Variants in FHDC1 observed in about 807,000 individuals in gnomAD.
FHDC1 encodes FH2 domain containing 1, also known as FH2 domain-containing protein 1.
In FHDC1, 25 loss-of-function variants were observed where a neutral mutation model predicts 52.6. That is an observed-to-expected ratio of 0.48 (90% CI 0.35 to 0.66). The LOEUF (loss-of-function observed/expected upper bound fraction) is 0.66. Ranked by LOEUF, FHDC1 falls within the 30% of genes least tolerant of loss-of-function variation. The pLI, the probability that FHDC1 is intolerant of heterozygous loss-of-function variation, is 0.01. For synonymous variants in FHDC1, 616 were observed against 581.5 expected (o/e 1.06, Z -0.85); for missense variants, 1,459 against 1,452.8 (o/e 1.00, Z -0.07).
In FHDC1 at chr4:152,943,463, G is replaced by A. The variant is rs1167707739; in HGVS notation, c.406G>A (p.Glu136Lys). ...HYQIDTKTIE[E>K]LFGQQEDTTK... is the part of the protein sequence containing the mutation. ...CCAAATTGATACAAAGACCATTGAGGAGCTCTTTGGGCAGCAGGAAGACAC... is the reference window on the plus strand; with the variant it reads ...CCAAATTGATACAAAGACCATTGAGAAGCTCTTTGGGCAGCAGGAAGACAC... Residue 136 changes from glutamate (E) to lysine (K), a missense_variant, in exon 2 of 12, where the codon GAG becomes AAG. By Grantham distance (56) the Glu-to-Lys change is moderately conservative. Around this residue, in one of 3 missense-constraint regions of FHDC1, gnomAD observed 513 missense variants for 581.5 expected, o/e 0.88. Transcript: ENST00000511601. 1 of 1,614,112 alleles carries A rather than the reference G, an allele frequency of 6.2e-7. No individual in the cohort carries two copies. The highest frequency in any genetic ancestry group is 2.2e-5 in the East Asian group (1 of 44,892).
intron 2 of FHDC1, among the ~76,000 whole-genome samples, chr4:152,949,099 A>ATAG (rs1739825026): frequency 1.3e-5 from 1 of 78,244 alleles, no homozygotes; most frequent in African/African-American, 5.5e-5. Context: ...AGTAATAATA[A>ATAG]TAATAATAAT....
chr4:152,938,766 A>G lies in FHDC1; in HGVS notation c.-131+2357A>G, dbSNP rs145928305. Among the ~76,000 whole-genome samples, 361 of 152,196 alleles carry G rather than the reference A, an allele frequency of 2.4e-3. 2 individuals carry two copies. The highest frequency in any genetic ancestry group is 8.2e-3 in the African/African-American group (340 of 41,536). On this transcript the variant is annotated intron_variant, in intron 1 of 11. Coordinates refer to ENST00000511601, the MANE Select transcript of FHDC1 (RefSeq NM_001371116.1). ...CAGGTTTTCCTTGATGTTCCTTTTG[A>G]TTATTGTTGACCAAAGGAGTGAGTG...
intron 1 of FHDC1, among the ~76,000 whole-genome samples, chr4:152,938,232 CTG>C (rs1422846975): frequency 1.4e-5 from 2 of 141,968 alleles, no homozygotes; most frequent in African/African-American, 2.6e-5. Context: ...GTGAGAGAAA[CTG>C]AAAATGAACA....
chr4:152,914,903 T>C, the FHDC1 span, among the ~76,000 whole-genome samples: 1 of 152,086 alleles, frequency 6.6e-6, no homozygotes, highest in Admixed American at 6.5e-5. Flanking sequence ...TTTTTTTTTT[T>C]CAAATGAGTG....
In FHDC1 at chr4:152,975,201, C is replaced by G. The variant is rs777638234; in HGVS notation, c.1910C>G (p.Ala637Gly). 11 of 1,613,190 alleles carry G rather than the reference C, an allele frequency of 6.8e-6. No homozygotes were observed. The Admixed American group carries it at 1.5e-4, about 22-fold the overall frequency. The part of the protein sequence containing the change: ...PENHASAFPR[A>G]RRQGVSVLRK... ...AACCATGCCTCTGCCTTCCCCAGAG[C>G]TCGGCGCCAGGGCGTCAGTGTCCTC... Residue 637 changes from alanine (A) to glycine (G), a missense_variant, in exon 12 of 12, where the codon GCT becomes GGT. This residue lies in a region of FHDC1 where 939 missense variants were observed against 854.5 expected (regional missense o/e 1.10). Coordinates refer to ENST00000511601, the MANE Select transcript of FHDC1 (RefSeq NM_001371116.1).
At chr4:152,918,500 T>G in the FHDC1 span, 1 of 152,266 alleles carries the variant, frequency 6.6e-6, no homozygotes, top group Non-Finnish European at 1.5e-5. Context: ...ATACTTAGTC[T>G]TGTTTAAAAG....
At chr4:152,915,204 C>T in the FHDC1 span, among the ~76,000 whole-genome samples, 1 of 152,256 alleles carries the variant, frequency 6.6e-6, no homozygotes, top group Middle Eastern at 3.4e-3. Flanking sequence ...CTGTCTTATT[C>T]ACCCTGTATC....
the FHDC1 span, among the ~76,000 whole-genome samples, chr4:152,917,735 C>G: frequency 2.6e-5 from 4 of 152,158 alleles, no homozygotes; most frequent in Admixed American, 1.3e-4. Context: ...AATGACTGGT[C>G]AGCTTGCCTG....
chr4:152,938,671 G>A (rs2149933846), intron 1 of FHDC1, among the ~76,000 whole-genome samples: 1 of 152,332 alleles, frequency 6.6e-6, no homozygotes, highest in African/African-American at 2.4e-5. Context: ...TCAGAAGCAT[G>A]TGGGCCAGCC....
Position 152,977,983 on chromosome 4 carries a change from C to A in FHDC1, c.*1260C>A, listed in dbSNP as rs1740952479. 1 of 152,248 alleles carries A rather than the reference C, an allele frequency of 6.6e-6. No homozygotes were observed. Among genetic ancestry groups the A allele is most frequent in the East Asian group, 1.9e-4 (1 of 5,196 alleles). The allele number at this position is 152,248 out of a possible 1,614,324, so 9.4% of individuals were successfully genotyped here. On this transcript the variant is annotated 3_prime_UTR_variant, in exon 12 of 12. Coordinates refer to ENST00000511601, the MANE Select transcript of FHDC1 (RefSeq NM_001371116.1). ...GGGAAAGTTGGACTCAGACAGAAAT[C>A]AGATGCTTCCATGTATTCAGGGCGC...
chr4:152,927,521 A>G, the FHDC1 span: 2 of 1,196,554 alleles, frequency 1.7e-6, no homozygotes, highest in Non-Finnish European at 1.3e-6. Context: ...TGAATGGTGC[A>G]AAAGGAGGCA....
rs977195692 is a variant in FHDC1 at position 152,939,486 on chromosome 4, C to T, written c.-131+3077C>T. On this transcript the variant is annotated intron_variant, in intron 1 of 11. Coordinates refer to ENST00000511601, the MANE Select transcript of FHDC1 (RefSeq NM_001371116.1). ...GACACCAAGGAAAAAGTACAGCGGGCTGTTTAGGCAGGAGAGCTTAGGAGG... is the reference window on the plus strand; with the variant it reads ...GACACCAAGGAAAAAGTACAGCGGGTTGTTTAGGCAGGAGAGCTTAGGAGG... 4.6e-5 allele frequency among the ~76,000 whole-genome samples: 7 copies of T among 152,258 alleles called. No individual in the cohort carries two copies. The South Asian group carries it at 1.5e-3, about 32-fold the overall frequency.
At chr4:152,919,772 T>G in the FHDC1 span, among the ~76,000 whole-genome samples, 3 of 151,984 alleles carry the variant, frequency 2.0e-5, no homozygotes, top group Non-Finnish European at 4.4e-5. Flanking sequence ...CTGCTGCCAT[T>G]TTTTAGAAGG....
At chr4:152,948,309 G>A (rs1278121999) in intron 2 of FHDC1, among the ~76,000 whole-genome samples, 2 of 152,148 alleles carry the variant, frequency 1.3e-5, no homozygotes, top group East Asian at 3.9e-4. Flanking sequence ...TCACCTTGAG[G>A]ACATTATGCT....
intron 1 of FHDC1, among the ~76,000 whole-genome samples, chr4:152,936,977 G>A (rs1054092549): frequency 6.6e-6 from 1 of 152,238 alleles, no homozygotes; most frequent in Non-Finnish European, 1.5e-5. Flanking sequence ...TTCTCGCCCC[G>A]ACAAACTTGC....
chr4:152,959,592 G>A (rs1044367256), intron 4 of FHDC1, among the ~76,000 whole-genome samples: 3 of 151,986 alleles, frequency 2.0e-5, no homozygotes, highest in African/African-American at 7.3e-5. Flanking sequence ...TTGGGGGAGG[G>A]GCTTCCCTAT....
intron 2 of FHDC1, among the ~76,000 whole-genome samples, chr4:152,948,121 A>G (rs539373044): frequency 1.2e-4 from 18 of 152,366 alleles, no homozygotes; most frequent in African/African-American, 4.1e-4. Context: ...GAAAAAGAAA[A>G]TGAAAAACCA....
At chr4:152,973,160 A>G (rs1740696029) in intron 11 of FHDC1, among the ~76,000 whole-genome samples, 1 of 152,014 alleles carries the variant, frequency 6.6e-6, no homozygotes, top group South Asian at 2.1e-4. Context: ...AAGCCAGAAA[A>G]CTCTCTGGGT....
Position 152,978,867 on chromosome 4 carries a change from G to T in FHDC1, c.*2144G>T, listed in dbSNP as rs1407369817. 6.6e-6 allele frequency: 1 copy of T among 152,114 alleles called. No individual in the cohort carries two copies. The highest frequency in any genetic ancestry group is 1.5e-5 in the Non-Finnish European group (1 of 68,030). The allele number at this position is 152,114 out of a possible 1,614,324, so 9.4% of individuals were successfully genotyped here. On this transcript the variant is annotated 3_prime_UTR_variant, in exon 12 of 12. Transcript: ENST00000511601. ...CTGAGTTTTAAAGGTAAACGTTATG[G>T]CTGAAATAGTAAAGCACCTGACCAC...
Sources: gnomAD v4.1 joint callset for allele counts (sites outside exome capture counted in the v4.1 genomes callset) on GRCh38, gnomAD v4.1.1 for gene constraint, gnomAD v4.1.1 regional missense constraint, MANE v1.5 for transcripts, NCBI Gene and HGNC (gene_info 2026-07-23, HGNC 2026-07-21) for gene names.